The following JAK1 variants were observed in gnomAD, a reference collection of about 807,000 sequenced individuals.
The protein encoded by JAK1 is tyrosine-protein kinase JAK1.
JAK1 carries 16 observed loss-of-function variants against 136.6 expected under a neutral mutation model. The observed-to-expected ratio is 0.12, with a 90% CI of 0.08 to 0.18. The LOEUF is 0.18. Ranked by LOEUF, JAK1 falls within the 10% of genes least tolerant of loss-of-function variation. The pLI is 1.00. For synonymous variants in JAK1, 492 were observed against 519.5 expected (o/e 0.95, Z 0.72); for missense variants, 859 against 1,450.1 (o/e 0.59, Z 6.62).
At chr1:64,956,033 A>G (rs1175654638) in intron 1 of JAK1, among the ~76,000 whole-genome samples, 1 of 152,266 alleles carries the variant, frequency 6.6e-6, no homozygotes, top group African/African-American at 2.4e-5. Flanking sequence ...GTGAAAATAG[A>G]AATGTCAGTG....
intron 1 of JAK1, among the ~76,000 whole-genome samples, chr1:64,923,927 T>C (rs1213446349): frequency 4.6e-5 from 7 of 152,020 alleles, no homozygotes; most frequent in Admixed American, 4.0e-4. Flanking sequence ...CTATATACAA[T>C]TTCAACATAA....
At chr1:65,016,246 GA>G (rs1283488659) in intron 2 of JAK1, among the ~76,000 whole-genome samples, 1 of 152,198 alleles carries the variant, frequency 6.6e-6, no homozygotes, top group Non-Finnish European at 1.5e-5. Context: ...TTGGGGTGAT[GA>G]AAAAGTTTTC....
intron 1 of JAK1, among the ~76,000 whole-genome samples, chr1:64,947,305 C>T (rs1452734779): frequency 6.6e-6 from 1 of 152,088 alleles, no homozygotes; most frequent in African/African-American, 2.4e-5. Flanking sequence ...CTTCTCATAC[C>T]AGGTGATTCT....
upstream of JAK1, among the ~76,000 whole-genome samples, chr1:64,970,134 CAA>C (rs1232133832): frequency 4.2e-4 from 21 of 49,508 alleles, no homozygotes; most frequent in African/African-American, 1.9e-3. Context: ...GACCCTGTCT[CAA>C]AAAAAAAAAA....
At chr1:64,839,823 T>C (rs1194459343) in intron 19 of JAK1, 28 bp from the exon 20 acceptor site, 1 of 1,574,076 alleles carries the variant, frequency 6.4e-7, no homozygotes, top group South Asian at 1.2e-5. Flanking sequence ...TGTGCTGTTA[T>C]CAGGGAAGCC....
intron 1 of JAK1, among the ~76,000 whole-genome samples, chr1:65,052,668 G>A (rs1647333606): frequency 6.6e-6 from 1 of 151,932 alleles, no homozygotes; most frequent in African/African-American, 2.4e-5. Context: ...AAAAAACTTA[G>A]CCGGGTGTGG....
intron 1 of JAK1, among the ~76,000 whole-genome samples, chr1:64,928,778 C>CAAAAAAAAAAAAAATAAAAAAAAAAAAA (rs1645627325): frequency 1.6e-5 from 1 of 61,126 alleles, no homozygotes; most frequent in African/African-American, 5.7e-5. Context: ...TAAAACTCTG[C>CAAAAAAAAAAAAAATAAAAAAAAAAAAA]AAAAAAAAAA....
At chr1:64,860,430 T>G (rs1656223415) in intron 8 of JAK1, among the ~76,000 whole-genome samples, 168 bp from the exon 9 acceptor site, 1 of 115,936 alleles carries the variant, frequency 8.6e-6, no homozygotes, top group Non-Finnish European at 1.8e-5. Context: ...ATTTATTTAT[T>G]TATTTATTTA....
chr1:64,908,985 A>AGAATGAAT (rs200143912), intron 1 of JAK1, among the ~76,000 whole-genome samples: 3 of 152,190 alleles, frequency 2.0e-5, no homozygotes, highest in Non-Finnish European at 4.4e-5. Context: ...GCTGAGTGAA[A>AGAATGAAT]GAATGAATGA....
chr1:64,836,886 T>C (rs61306748), intron 22 of JAK1, among the ~76,000 whole-genome samples: 8,757 of 152,120 alleles, frequency 0.058, 462 homozygotes, highest in African/African-American at 0.14. Flanking sequence ...AAACAAAGTC[T>C]CCCTCCTTAA....
intron 17 of JAK1, among the ~76,000 whole-genome samples, chr1:64,842,949 A>T (rs1056754595): frequency 2.6e-5 from 4 of 152,022 alleles, no homozygotes; most frequent in African/African-American, 9.7e-5. Context: ...ATTTCCGGAC[A>T]TGGGGCTCCC....
chr1:65,026,261 A>G (rs1001163416), intron 2 of JAK1, among the ~76,000 whole-genome samples: 2 of 152,172 alleles, frequency 1.3e-5, no homozygotes, highest in Admixed American at 6.5e-5. Context: ...AATTTCAGCT[A>G]TGTGATTAGA....
rs1654274114 is a variant in JAK1, at chr1:64,833,602, T to G, written c.*960A>C. 4.3e-6 allele frequency: 1 copy of G among 232,866 alleles called. No individual in the cohort carries two copies. The highest frequency in any genetic ancestry group is 2.2e-5 in the African/African-American group (1 of 45,332). The allele number at this position is 232,866 out of a possible 1,614,324, so 14.4% of individuals were successfully genotyped here. A position where few individuals can be genotyped will look rare whatever the true frequency, so the allele number is the denominator to read the frequency against. On this transcript the variant is annotated 3_prime_UTR_variant, in exon 25 of 25. Coordinates refer to ENST00000342505, the MANE Select transcript of JAK1 (RefSeq NM_002227.4). ...AAGTGTTGCACCACAGGGTGATGATTGATGGTAAAAACAGGGATCAACCCT... is the reference window on the plus strand; with the variant it reads ...AAGTGTTGCACCACAGGGTGATGATGGATGGTAAAAACAGGGATCAACCCT...
At chr1:64,970,085 G>T (rs887225889), upstream of JAK1, among the ~76,000 whole-genome samples, 1 of 134,584 alleles carries the variant, frequency 7.4e-6, no homozygotes, top group African/African-American at 2.8e-5. Context: ...CAGTGAGCTA[G>T]TATGGTGCCA....
intron 1 of JAK1, among the ~76,000 whole-genome samples, chr1:64,898,283 C>A (rs534629213): frequency 2.0e-5 from 3 of 152,178 alleles, no homozygotes; most frequent in Non-Finnish European, 2.9e-5. Flanking sequence ...GAGGGACCAG[C>A]AAGTTCACGG....
intron 1 of JAK1, among the ~76,000 whole-genome samples, chr1:64,918,291 A>G (rs1199440365): frequency 1.3e-5 from 2 of 152,186 alleles, no homozygotes; most frequent in Non-Finnish European, 2.9e-5. Context: ...TTCAATTTAA[A>G]AAGTTCCCTC....
chr1:64,937,982 C>T (rs914427913), intron 1 of JAK1, among the ~76,000 whole-genome samples: 2 of 151,882 alleles, frequency 1.3e-5, no homozygotes, highest in Non-Finnish European at 2.9e-5. Flanking sequence ...CGGGTTCATG[C>T]CATTCTCCTG....
rs556345185 is a variant in JAK1, at chr1:64,965,472, G to C, written c.-78+861C>G. ...ATCGCATCTTTTATCTAGAAGTTCC[G>C]TGGTAAACACACATCCAAGGAGCCC... On this transcript the variant is annotated intron_variant, in intron 1 of 24. Transcript: ENST00000342505. Among the ~76,000 whole-genome samples, 13 of 152,246 alleles carry C rather than the reference G, an allele frequency of 8.5e-5. No homozygotes were observed. The South Asian group carries it at 2.7e-3, about 32-fold the overall frequency.
intron 1 of JAK1, chr1:64,918,798 A>G (rs1007877630): frequency 3.9e-5 from 6 of 154,518 alleles, no homozygotes; most frequent in African/African-American, 1.4e-4. Flanking sequence ...AATCATGTTG[A>G]TATAATGTGT....
Sources: allele counts gnomAD v4.1 joint callset (sites outside exome capture counted in the v4.1 genomes callset), GRCh38; gene constraint gnomAD v4.1.1; transcripts MANE v1.5; gene names NCBI Gene and HGNC (gene_info 2026-07-23, HGNC 2026-07-21).